Variants in FAM222B observed in about 807,000 individuals in gnomAD.
The protein encoded by FAM222B is protein FAM222B.
Under a neutral mutation model 38.0 loss-of-function variants are expected in FAM222B, and 12 were observed. The observed-to-expected ratio is 0.32, with a 90% CI of 0.20 to 0.51. The LOEUF is 0.51. Among genes scored for constraint, FAM222B ranks in the 20% least tolerant of loss-of-function variants. The pLI is 0.97. For missense variants in FAM222B, 716 were observed against 754.2 expected, an observed-to-expected ratio of 0.95 and a Z score of 0.59; for synonymous variants, 329 against 317.2, an observed-to-expected ratio of 1.04 and a Z score of -0.40.
chr17:28,761,084 GAAA>G (rs2035050277), intron 2 of FAM222B, among the ~76,000 whole-genome samples: 1 of 152,176 alleles, frequency 6.6e-6, no homozygotes, highest in African/African-American at 2.4e-5. Context: ...TTTCCAAAAA[GAAA>G]GAGGAAAAAC....
chr17:28,790,592 G>C (rs2036615293), intron 1 of FAM222B, among the ~76,000 whole-genome samples: 1 of 152,110 alleles, frequency 6.6e-6, no homozygotes, highest in Non-Finnish European at 1.5e-5. Flanking sequence ...AAAAATAAAT[G>C]CAATGTGTGA....
At chr17:28,792,780 CAAAAAAAA>C (rs71135854) in intron 1 of FAM222B, among the ~76,000 whole-genome samples, 2 of 122,874 alleles carry the variant, frequency 1.6e-5, no homozygotes, top group African/African-American at 3.4e-5. Context: ...GGCCCTATTT[CAAAAAAAA>C]AAAAAAAAAA....
chr17:28,809,016 TAG>T (rs1273654747), intron 1 of FAM222B, among the ~76,000 whole-genome samples: 2 of 152,024 alleles, frequency 1.3e-5, no homozygotes, highest in Non-Finnish European at 2.9e-5. Flanking sequence ...AGAGAGAACA[TAG>T]AGTCCTTTTT....
chr17:28,852,335 G>A (rs529762579), intron 1 of FAM222B, among the ~76,000 whole-genome samples: 66 of 151,862 alleles, frequency 4.3e-4, no homozygotes, highest in African/African-American at 1.5e-3. Context: ...CAGCCTGGGC[G>A]ACAGAGCGAG....
Position 28,792,139 on chromosome 17 carries a change from G to A in FAM222B, c.-40-25432C>T, listed in dbSNP as rs973161568. ...ATCCTGGCCAACACGGTGAAACCCC[G>A]TCTCTACTAAAAATACAAAAAAATT... is the stretch of plus-strand genomic sequence containing the variant. On this transcript the variant is annotated intron_variant, in intron 1 of 2. Coordinates refer to ENST00000581407, the MANE Select transcript of FAM222B (RefSeq NM_001077498.3). 2.7e-5 allele frequency among the ~76,000 whole-genome samples: 4 copies of A among 150,734 alleles called. No individual in the cohort carries two copies. In the South Asian group the frequency reaches 6.3e-4, roughly 24 times the overall value.
chr17:28,784,872 T>C (rs2151852026), intron 1 of FAM222B, among the ~76,000 whole-genome samples: 1 of 152,170 alleles, frequency 6.6e-6, no homozygotes, highest in East Asian at 1.9e-4. Context: ...CACCTCAGCC[T>C]TCTGAGTAGG....
At chr17:28,793,125 A>G (rs375426106) in intron 1 of FAM222B, among the ~76,000 whole-genome samples, 9 of 152,028 alleles carry the variant, frequency 5.9e-5, no homozygotes, top group African/African-American at 2.2e-4. Context: ...TTGTAGAGAC[A>G]GGGTCTTACT....
intron 1 of FAM222B, among the ~76,000 whole-genome samples, chr17:28,806,794 G>T (rs1423340649): frequency 6.6e-6 from 1 of 152,038 alleles, no homozygotes; most frequent in Admixed American, 6.6e-5. Context: ...TTCAAATAGG[G>T]TTCCTGAAAT....
intron 1 of FAM222B, among the ~76,000 whole-genome samples, chr17:28,815,913 G>A (rs2038004483): frequency 6.6e-6 from 1 of 151,310 alleles, no homozygotes; most frequent in Non-Finnish European, 1.5e-5. Context: ...GTTGCAGTGA[G>A]CTGAGATCGT....
intron 1 of FAM222B, among the ~76,000 whole-genome samples, chr17:28,778,649 G>GC (rs1171263369): frequency 7.5e-6 from 1 of 134,030 alleles, no homozygotes; most frequent in Non-Finnish European, 1.6e-5. Context: ...GACTACAGGC[G>GC]CATGTCATCA....
At chr17:28,832,556 A>G (rs1432326517) in intron 1 of FAM222B, among the ~76,000 whole-genome samples, 1 of 152,162 alleles carries the variant, frequency 6.6e-6, no homozygotes, top group African/African-American at 2.4e-5. Flanking sequence ...TCCATGCACA[A>G]GCCTTCCTTG....
intron 1 of FAM222B, among the ~76,000 whole-genome samples, chr17:28,768,519 G>A (rs1247625963): frequency 6.6e-6 from 1 of 151,844 alleles, no homozygotes; most frequent in East Asian, 1.9e-4. Context: ...AACACAGTGA[G>A]CCAACTTCAG....
chr17:28,848,402 T>A (rs1040184978), intron 1 of FAM222B, among the ~76,000 whole-genome samples: 1 of 152,072 alleles, frequency 6.6e-6, no homozygotes, highest in African/African-American at 2.4e-5. Flanking sequence ...TATGGATAAC[T>A]ATATTGTATA....
exon 1 of FAM222B, chr17:28,854,994 G>GCTCCTAC (rs2039217902): frequency 1.3e-6 from 2 of 1,524,336 alleles, no homozygotes; most frequent in Non-Finnish European, 1.8e-6. Context: ...TTCAATCGTA[G>GCTCCTAC]GAGCGCTCCT....
chr17:28,797,995 T>C (rs773757787), intron 1 of FAM222B, among the ~76,000 whole-genome samples: 1 of 152,016 alleles, frequency 6.6e-6, no homozygotes, highest in Non-Finnish European at 1.5e-5. Flanking sequence ...GGGTGGAGGC[T>C]GCAAGGAGCC....
chr17:28,812,405 G>C (rs1282436949), intron 1 of FAM222B: 1 of 152,358 alleles, frequency 6.6e-6, no homozygotes, highest in Non-Finnish European at 1.5e-5. Flanking sequence ...AGGACTCCGC[G>C]GTGCGCCGAC....
chr17:28,822,590 C>CACT (rs1011258677), intron 1 of FAM222B, among the ~76,000 whole-genome samples: 1 of 150,048 alleles, frequency 6.7e-6, no homozygotes, highest in African/African-American at 2.4e-5. Context: ...TGCACCATTG[C>CACT]ACTCCAGCCT....
At chr17:28,835,818 C>T (rs896827077) in intron 1 of FAM222B, among the ~76,000 whole-genome samples, 2 of 151,950 alleles carry the variant, frequency 1.3e-5, no homozygotes, top group Non-Finnish European at 2.9e-5. Context: ...ACTATAGGTG[C>T]ATGCCACCAC....
intron 1 of FAM222B, among the ~76,000 whole-genome samples, chr17:28,814,239 A>C (rs900819094): frequency 7.9e-5 from 12 of 152,056 alleles, no homozygotes; most frequent in African/African-American, 1.7e-4. Flanking sequence ...TATTACCTAG[A>C]ATGTCATTTT....
Sources: gnomAD v4.1 joint callset for allele counts (sites outside exome capture counted in the v4.1 genomes callset) on GRCh38, gnomAD v4.1.1 for gene constraint, MANE v1.5 for transcripts, NCBI Gene and HGNC (gene_info 2026-07-23, HGNC 2026-07-21) for gene names.